Variants in NTRK2 observed in about 807,000 individuals in gnomAD.
NTRK2 encodes the protein BDNF/NT-3 growth factors receptor.
NTRK2 carries 13 observed loss-of-function variants against 94.5 expected under a neutral mutation model. That is an observed-to-expected ratio of 0.14 (90% CI 0.09 to 0.22). The LOEUF (loss-of-function observed/expected upper bound fraction) is 0.22. Ranked by LOEUF, NTRK2 falls within the 10% of genes least tolerant of loss-of-function variation. The pLI is 1.00. For missense variants in NTRK2, 639 were observed against 1,071.2 expected (o/e 0.60, Z 5.63); for synonymous variants, 372 against 407.4 (o/e 0.91, Z 1.05).
intron 12 of NTRK2, among the ~76,000 whole-genome samples, chr9:84,767,755 T>G (rs1183800390): frequency 6.6e-6 from 1 of 152,214 alleles, no homozygotes; most frequent in Non-Finnish European, 1.5e-5. Flanking sequence ...GTCCTGCATG[T>G]TGTGAAACAG....
intron 14 of NTRK2, chr9:84,872,322 T>G: frequency 9.1e-7 from 1 of 1,103,554 alleles, no homozygotes; most frequent in South Asian, 3.9e-5. Context: ...CAAAACATAC[T>G]AACCAGCAAA....
At chr9:84,706,528 T>G (rs1039779483) in intron 4 of NTRK2, among the ~76,000 whole-genome samples, 4 of 76,344 alleles carry the variant, frequency 5.2e-5, no homozygotes, top group Non-Finnish European at 8.0e-5. Flanking sequence ...TTTGTTTTTG[T>G]TTTTTTTTTT....
chr9:84,920,463 C>T (rs2077527365), intron 14 of NTRK2, among the ~76,000 whole-genome samples: 1 of 152,144 alleles, frequency 6.6e-6, no homozygotes, highest in East Asian at 1.9e-4. Flanking sequence ...GCACACCACT[C>T]ATCCAGTTGT....
rs200671003 is a variant in NTRK2 at position 84,744,934 on chromosome 9, A to G, written c.1196-39A>G. On this transcript the variant is annotated intron_variant, in intron 10 of 18. Transcript: ENST00000277120. Reference sequence around the variant, plus strand: ...TGTGTTTGTTGGCAGCTTAATGACAACTTCATGTTCTTCCTCATTCCCCCT... The same window carrying G: ...TGTGTTTGTTGGCAGCTTAATGACAGCTTCATGTTCTTCCTCATTCCCCCT... 18 of 1,418,756 alleles carry G rather than the reference A, an allele frequency of 1.3e-5. No homozygotes were observed. In the East Asian group the frequency reaches 3.9e-4, roughly 30 times the overall value. The allele number at this position is 1,418,756 out of a possible 1,614,324, so 87.9% of individuals were successfully genotyped here.
chr9:84,807,985 G>T (rs2071317394), intron 12 of NTRK2, among the ~76,000 whole-genome samples: 1 of 152,318 alleles, frequency 6.6e-6, no homozygotes, highest in East Asian at 1.9e-4. Flanking sequence ...CAACAGGCTG[G>T]CTTTTCCTCA....
Position 84,788,872 on chromosome 9 carries a change from A to G in NTRK2, c.1396+36787A>G, listed in dbSNP as rs2068420503. On this transcript the variant is annotated intron_variant, in intron 12 of 18. Transcript: ENST00000277120. ...ACCTCCCAGGCAGTGAGAAACAAGG[A>G]ATTAGAACACAGCCCACACCCATCC... 2.0e-5 allele frequency among the ~76,000 whole-genome samples: 3 copies of G among 152,186 alleles called. No individual in the cohort carries two copies. The South Asian group carries it at 6.2e-4, about 32-fold the overall frequency.
chr9:84,842,212 C>T lies in NTRK2; in HGVS notation c.1397-18828C>T, dbSNP rs1415706867. ...GTATAGGACGTACTTTGGGATGCAA[C>T]TCCGTTCCTCGTGAAGAGGCTCTGA... On this transcript the variant is annotated intron_variant, in intron 12 of 18. Transcript: ENST00000277120. Among the ~76,000 whole-genome samples, 3 of 152,168 alleles carry T rather than the reference C, an allele frequency of 2.0e-5. No individual in the cohort carries two copies. In the East Asian group the frequency reaches 5.8e-4, roughly 29 times the overall value.
rs1291543325 is a variant in NTRK2, at chr9:85,015,932, G to A, written c.2173-4274G>A. On this transcript the variant is annotated intron_variant, in intron 17 of 18. Coordinates refer to ENST00000277120, the MANE Select transcript of NTRK2 (RefSeq NM_006180.6). ...TGGTCCATCCTAATGAATACAGGAT[G>A]TCCAATGGGGAAAGGTTTGGTATGT... Among the ~76,000 whole-genome samples the A allele has an allele frequency of 6.6e-5, 10 of 152,314 alleles. No individual in the cohort carries two copies. In the East Asian group the frequency reaches 1.9e-3, roughly 29 times the overall value.
intron 12 of NTRK2, among the ~76,000 whole-genome samples, chr9:84,781,776 A>T (rs902266998): frequency 6.6e-6 from 1 of 152,190 alleles, no homozygotes; most frequent in South Asian, 2.1e-4. Flanking sequence ...CTTCATTTAA[A>T]TGCAGTAAAT....
intron 12 of NTRK2, among the ~76,000 whole-genome samples, chr9:84,827,801 T>C (rs1186325345): frequency 6.6e-6 from 1 of 152,210 alleles, no homozygotes; most frequent in Non-Finnish European, 1.5e-5. Flanking sequence ...CACCTCTGCG[T>C]TTTCAGCTGA....
intron 12 of NTRK2, chr9:84,814,355 C>T (rs1269204724): frequency 2.8e-6 from 3 of 1,065,372 alleles, no homozygotes; most frequent in Non-Finnish European, 2.3e-6. Flanking sequence ...ACCAGTTTCA[C>T]GCCAGGTGCG....
chr9:84,876,147 C>G, intron 14 of NTRK2: 1 of 1,039,966 alleles, frequency 9.6e-7, no homozygotes, highest in Non-Finnish European at 1.2e-6. Flanking sequence ...GGAACCCAAG[C>G]TCCTCATTAG....
intron 14 of NTRK2, chr9:84,876,112 A>G: frequency 9.6e-7 from 1 of 1,037,102 alleles, no homozygotes; most frequent in Non-Finnish European, 1.2e-6. Context: ...TAACCATGCC[A>G]TTGAACTTTT....
At chr9:84,671,177 A>T (rs1215444408) in intron 2 of NTRK2, among the ~76,000 whole-genome samples, 1 of 152,198 alleles carries the variant, frequency 6.6e-6, no homozygotes, top group Non-Finnish European at 1.5e-5. Flanking sequence ...TTTCAAATAT[A>T]GATATACATA....
intron 12 of NTRK2, among the ~76,000 whole-genome samples, chr9:84,820,952 C>T (rs1248182023): frequency 6.6e-6 from 1 of 152,198 alleles, no homozygotes; most frequent in Non-Finnish European, 1.5e-5. Flanking sequence ...CATTGTTTCT[C>T]TGAGGCCAAT....
intron 2 of NTRK2, among the ~76,000 whole-genome samples, chr9:84,694,480 G>A (rs890170894): frequency 5.3e-5 from 8 of 152,128 alleles, no homozygotes; most frequent in Non-Finnish European, 8.8e-5. Context: ...TTCCATTCAC[G>A]TCCTCACAGT....
rs1274299620 is a variant in NTRK2, at chr9:84,706,521, GTTTTTGTTT to G, written c.360-1317_360-1309del. On this transcript the variant is annotated intron_variant, in intron 4 of 18. Transcript: ENST00000277120. ...TCAGATCTCATGTGTGTTATTTTTT[GTTTTTGTTT>G]TTTTTTTTTTTTTTTTTGAGACGGA... 6.3e-5 allele frequency among the ~76,000 whole-genome samples: 6 copies of G among 95,334 alleles called. No homozygotes were observed. The Admixed American group carries it at 8.2e-4, about 13-fold the overall frequency. 62.5% of individuals were successfully genotyped at this position (95,334 alleles called of 152,430 possible).
intron 17 of NTRK2, among the ~76,000 whole-genome samples, chr9:85,017,586 G>A (rs2133579406): frequency 6.6e-6 from 1 of 152,342 alleles, no homozygotes; most frequent in African/African-American, 2.4e-5. Context: ...ATTTACCAAA[G>A]TTAAGTTTGT....
At chr9:84,771,277 C>T (rs934430826) in intron 12 of NTRK2, among the ~76,000 whole-genome samples, 1 of 152,106 alleles carries the variant, frequency 6.6e-6, no homozygotes, top group Non-Finnish European at 1.5e-5. Context: ...GAGGTGGTCA[C>T]GCTCGGTCCT....
Sources: allele counts gnomAD v4.1 joint callset (sites outside exome capture counted in the v4.1 genomes callset), GRCh38; gene constraint gnomAD v4.1.1; transcripts MANE v1.5; gene names NCBI Gene and HGNC (gene_info 2026-07-23, HGNC 2026-07-21).